Variants in DCC observed in about 807,000 individuals in gnomAD.
The protein encoded by DCC is netrin receptor DCC.
In DCC, 58 loss-of-function variants were observed where a neutral mutation model predicts 172.5. The ratio of observed to expected loss-of-function variants is 0.34; its 90% CI spans 0.27 to 0.42. DCC has a LOEUF of 0.42. Ranked by LOEUF, DCC falls within the 10% of genes least tolerant of loss-of-function variation. DCC has a pLI of 1.00. For missense variants in DCC, 1,740 were observed against 1,791.0 expected (o/e 0.97, Z 0.51); for synonymous variants, 709 against 644.5 (o/e 1.10, Z -1.52).
In DCC at chr18:52,802,348, G is replaced by T. The variant is rs567224197; in HGVS notation, c.412+49974G>T. ...GATTAGGCTACAGAAGGAATTTAAG[G>T]TGTGTGTTTTTGTATATATACATAT... On this transcript the variant is annotated intron_variant, in intron 2 of 28. Coordinates refer to ENST00000442544, the MANE Select transcript of DCC (RefSeq NM_005215.4). 1.5e-4 allele frequency among the ~76,000 whole-genome samples: 23 copies of T among 152,096 alleles called. No homozygotes were observed. In the East Asian group the frequency reaches 4.3e-3, roughly 28 times the overall value.
At chr18:53,253,108 A>C (rs915207316) in intron 12 of DCC, among the ~76,000 whole-genome samples, 1 of 151,988 alleles carries the variant, frequency 6.6e-6, no homozygotes, top group African/African-American at 2.4e-5. Context: ...ATATGAAAAA[A>C]ATGAGCTTAA....
intron 2 of DCC, among the ~76,000 whole-genome samples, chr18:52,839,726 C>T (rs2038771557): frequency 1.3e-5 from 2 of 152,170 alleles, no homozygotes; most frequent in Non-Finnish European, 2.9e-5. Context: ...AGAGTCTGTG[C>T]TTTTCTGCAG....
chr18:53,530,384 A>C, intron 28 of DCC, 180 bp from the exon 29 acceptor site: 2 of 705,244 alleles, frequency 2.8e-6, no homozygotes. Context: ...GCAATCTCTT[A>C]TTATCCCCTT....
intron 21 of DCC, among the ~76,000 whole-genome samples, chr18:53,426,680 T>A (rs1910989146): frequency 1.3e-5 from 2 of 151,934 alleles, no homozygotes; most frequent in Admixed American, 6.6e-5. Flanking sequence ...AATTACCATA[T>A]GGTTGTAAGT....
rs34432767 is a variant in DCC at position 52,612,449 on chromosome 18, AT to A, written c.92-139593del. On this transcript the variant is annotated intron_variant, in intron 1 of 28. Coordinates refer to ENST00000442544, the MANE Select transcript of DCC (RefSeq NM_005215.4). Reference sequence around the variant, plus strand: ...TCCCACTATAGTCAGAGTGGCTTTGATTTTTTTTTTTTCATTTTTAGTACAA... The same window carrying A: ...TCCCACTATAGTCAGAGTGGCTTTGATTTTTTTTTTTCATTTTTAGTACAA... 3.4e-3 allele frequency among the ~76,000 whole-genome samples: 500 copies of A among 145,294 alleles called. 1 individual carries two copies. The highest frequency in any genetic ancestry group is 0.011 in the African/African-American group (428 of 39,336).
At chr18:53,213,130 T>G (rs544110658) in intron 11 of DCC, among the ~76,000 whole-genome samples, 5 of 152,260 alleles carry the variant, frequency 3.3e-5, no homozygotes, top group Admixed American at 3.3e-4. Flanking sequence ...AAAGTGACAT[T>G]TAAGGGTTGC....
At position 53,059,635 on chromosome 18, in the gene DCC, G is replaced by A. The variant is rs142323519; in HGVS notation, c.986-3670G>A. ...AAGTATTCTAAAATAATCAATACCC[G>A]TTATTTTCTCTAAATAGTCATGGTA... On this transcript the variant is annotated intron_variant, in intron 5 of 28. Transcript: ENST00000442544. Among the ~76,000 whole-genome samples, 197 of 152,082 alleles carry A rather than the reference G, an allele frequency of 1.3e-3. 2 individuals carry two copies. The highest frequency in any genetic ancestry group is 0.011 in the South Asian group (52 of 4,814).
At chr18:52,475,368 G>A (rs1378957662) in intron 1 of DCC, among the ~76,000 whole-genome samples, 1 of 152,152 alleles carries the variant, frequency 6.6e-6, no homozygotes, top group African/African-American at 2.4e-5. Flanking sequence ...TGTGTACAAT[G>A]TGGATAATAA....
chr18:53,115,423 G>T (rs908346177), intron 7 of DCC, among the ~76,000 whole-genome samples: 1 of 151,422 alleles, frequency 6.6e-6, no homozygotes, highest in Non-Finnish European at 1.5e-5. Flanking sequence ...GTGGTTAGTG[G>T]CAGATACGGG....
At chr18:53,235,730 T>C (rs1411246902) in intron 12 of DCC, among the ~76,000 whole-genome samples, 1 of 152,090 alleles carries the variant, frequency 6.6e-6, no homozygotes, top group East Asian at 1.9e-4. Context: ...CCAGAACTTT[T>C]TCATCATCTC....
chr18:52,995,844 CT>C (rs1220947586), intron 5 of DCC, among the ~76,000 whole-genome samples: 1 of 151,732 alleles, frequency 6.6e-6, no homozygotes, highest in Non-Finnish European at 1.5e-5. Context: ...ACTGAACCCC[CT>C]TTTTGCCCTT....
At chr18:52,999,122 C>T (rs2041527116) in intron 5 of DCC, among the ~76,000 whole-genome samples, 1 of 152,024 alleles carries the variant, frequency 6.6e-6, no homozygotes, top group Non-Finnish European at 1.5e-5. Context: ...TTTTAAACCA[C>T]TTCTGCTTTG....
At chr18:53,436,925 A>G (rs1047030377) in intron 22 of DCC, among the ~76,000 whole-genome samples, 4 of 152,098 alleles carry the variant, frequency 2.6e-5, no homozygotes, top group African/African-American at 9.7e-5. Context: ...GTGTTCTCCC[A>G]TGGTGTTTGG....
At chr18:52,834,853 G>GA (rs532991307) in intron 2 of DCC, among the ~76,000 whole-genome samples, 3 of 151,832 alleles carry the variant, frequency 2.0e-5, no homozygotes, top group East Asian at 3.9e-4. Context: ...TTTCTTGTTG[G>GA]AAAAAAATGA....
chr18:52,700,184 ACG>A (rs1465581302), intron 1 of DCC, among the ~76,000 whole-genome samples: 1 of 143,802 alleles, frequency 7.0e-6, no homozygotes, highest in Non-Finnish European at 1.5e-5. Context: ...ACACATGCAC[ACG>A]CACACACACG....
intron 2 of DCC, among the ~76,000 whole-genome samples, chr18:52,865,704 T>C (rs2039216268): frequency 6.6e-6 from 1 of 152,112 alleles, no homozygotes; most frequent in African/African-American, 2.4e-5. Context: ...GGGTTGTTTT[T>C]TTCTTGTAAA....
At chr18:52,610,478 G>A (rs1052906818) in intron 1 of DCC, among the ~76,000 whole-genome samples, 31 of 148,440 alleles carry the variant, frequency 2.1e-4, no homozygotes, top group African/African-American at 6.4e-4. Context: ...GGGAGAGTTG[G>A]TGTATACTGG....
chr18:53,353,079 A>T (rs2057831482), intron 15 of DCC, among the ~76,000 whole-genome samples: 1 of 152,110 alleles, frequency 6.6e-6, no homozygotes, highest in Non-Finnish European at 1.5e-5. Context: ...TGAGTTCGAG[A>T]CTGGCCTGAC....
chr18:52,530,371 G>A (rs1144066), intron 1 of DCC, among the ~76,000 whole-genome samples: 147,605 of 152,292 alleles, frequency 0.97, 71,717 homozygotes, highest in Middle Eastern at 1. Context: ...AAAAAAACAT[G>A]AGCTTTTGAG....
Sources: gnomAD v4.1 joint callset for allele counts (sites outside exome capture counted in the v4.1 genomes callset) on GRCh38, gnomAD v4.1.1 for gene constraint, MANE v1.5 for transcripts, NCBI Gene and HGNC (gene_info 2026-07-23, HGNC 2026-07-21) for gene names.